Variants in ANKRD44 observed in about 807,000 individuals in gnomAD.
ANKRD44 encodes ankyrin repeat domain 44.
In ANKRD44, 35 loss-of-function variants were observed where a neutral mutation model predicts 116.0. The observed-to-expected ratio is 0.30, with a 90% CI of 0.23 to 0.40. ANKRD44 has a LOEUF of 0.40. Ranked by LOEUF, ANKRD44 falls within the 10% of genes least tolerant of loss-of-function variation. ANKRD44 has a pLI of 1.00. For synonymous variants in ANKRD44, 435 were observed against 461.8 expected (o/e 0.94, Z 0.74); for missense variants, 1,014 against 1,242.6 (o/e 0.82, Z 2.77).
intron 8 of ANKRD44, among the ~76,000 whole-genome samples, chr2:197,111,529 C>T (rs2078565082): frequency 6.6e-6 from 1 of 151,888 alleles, no homozygotes; most frequent in South Asian, 2.1e-4. Flanking sequence ...ATCCCAGCTA[C>T]TGGGGATGCT....
intron 2 of ANKRD44, among the ~76,000 whole-genome samples, chr2:197,168,956 T>C (rs1464584113): frequency 6.6e-6 from 1 of 152,210 alleles, no homozygotes; most frequent in Non-Finnish European, 1.5e-5. Context: ...TCACAATCTG[T>C]AATTCACACA....
chr2:197,007,704 C>T lies in ANKRD44; in HGVS notation c.2130+102G>A, dbSNP rs2076225003. The T allele has an allele frequency of 2.6e-5, 20 of 777,204 alleles. No homozygotes were observed. The East Asian group carries it at 5.0e-4, about 19-fold the overall frequency. 48.1% of individuals were successfully genotyped at this position (777,204 alleles called of 1,614,324 possible). ...AACAATTTTTGCTAAACATTTTTTG[C>T]TAAAAATCCAATCAAAGTAGGCCCT... On this transcript the variant is annotated intron_variant, in intron 20 of 27. Coordinates refer to ENST00000282272, the MANE Select transcript of ANKRD44 (RefSeq NM_001195144.2).
intron 16 of ANKRD44, among the ~76,000 whole-genome samples, chr2:197,035,797 C>T (rs936131535): frequency 6.6e-6 from 1 of 152,040 alleles, no homozygotes. Flanking sequence ...CAGCCCAGAA[C>T]GGGGGGCTGA....
intron 6 of ANKRD44, among the ~76,000 whole-genome samples, chr2:197,124,635 G>A (rs1270797629): frequency 6.6e-6 from 1 of 152,176 alleles, no homozygotes; most frequent in Non-Finnish European, 1.5e-5. Context: ...ATCTCCTGTG[G>A]ATGGGCATTC....
At chr2:197,210,709 T>C (rs541170304) in intron 1 of ANKRD44, among the ~76,000 whole-genome samples, 3 of 152,176 alleles carry the variant, frequency 2.0e-5, no homozygotes, top group Non-Finnish European at 4.4e-5. Flanking sequence ...GGCCACGGGT[T>C]GTGGACTGGA....
At chr2:197,303,409 C>T (rs946642553) in intron 1 of ANKRD44, among the ~76,000 whole-genome samples, 1 of 152,162 alleles carries the variant, frequency 6.6e-6, no homozygotes, top group African/African-American at 2.4e-5. Context: ...GTAGAATCCA[C>T]GTCTTCTGAT....
rs148849945 is a variant in ANKRD44 at position 197,281,248 on chromosome 2, G to T, written c.27+29330C>A. 8.4e-3 allele frequency among the ~76,000 whole-genome samples: 1,282 copies of T among 152,206 alleles called. 12 individuals carry two copies. The highest frequency in any genetic ancestry group is 0.029 in the African/African-American group (1,205 of 41,534). ...CATGTTACATGCCTGTTGATAGGAG[G>T]CCTGATGCTTTATTTTCTCTAGAAA... On this transcript the variant is annotated intron_variant, in intron 1 of 27. Coordinates refer to ENST00000282272, the MANE Select transcript of ANKRD44 (RefSeq NM_001195144.2).
intron 18 of ANKRD44, among the ~76,000 whole-genome samples, chr2:197,011,234 A>C (rs2076294190): frequency 6.6e-6 from 1 of 152,210 alleles, no homozygotes; most frequent in Non-Finnish European, 1.5e-5. Context: ...AACATGGAAA[A>C]ACAGCATATT....
At chr2:197,005,931 A>G in intron 20 of ANKRD44, 21 bp from the exon 21 acceptor site, 1 of 1,612,020 alleles carries the variant, frequency 6.2e-7, no homozygotes. Context: ...GTAATTAAAA[A>G]CACAAAACAA....
At chr2:197,124,665 G>A (rs933833342) in intron 6 of ANKRD44, among the ~76,000 whole-genome samples, 3 of 152,152 alleles carry the variant, frequency 2.0e-5, no homozygotes, top group African/African-American at 4.8e-5. Flanking sequence ...ACAACTTGGT[G>A]CTGATAGAAT....
intron 17 of ANKRD44, among the ~76,000 whole-genome samples, chr2:197,021,071 G>C (rs1233924215): frequency 6.6e-6 from 1 of 152,112 alleles, no homozygotes; most frequent in East Asian, 1.9e-4. Context: ...CCTTGTGATA[G>C]TTTGCTCAGA....
chr2:197,103,227 C>CAAAAA (rs59073157), intron 9 of ANKRD44, among the ~76,000 whole-genome samples: 6 of 103,028 alleles, frequency 5.8e-5, no homozygotes, highest in African/African-American at 2.2e-4. Context: ...GACTCCATCT[C>CAAAAA]AAAAAAAAAA....
In ANKRD44 at chr2:197,088,812, T is replaced by A. The variant is rs771860797; in HGVS notation, c.1184-38A>T. On this transcript the variant is annotated intron_variant, in intron 11 of 27. Coordinates refer to ENST00000282272, the MANE Select transcript of ANKRD44 (RefSeq NM_001195144.2). The stretch of plus-strand genomic sequence containing the variant: ...CGTGCTCATTACTAAACAAGGATAC[T>A]ATGCTATACTTTTGTCCTAGTTAAA... The A allele has an allele frequency of 3.7e-6, 6 of 1,602,836 alleles. No homozygotes were observed. The African/African-American group carries it at 8.0e-5, about 21-fold the overall frequency.
At chr2:197,065,530 T>C (rs1016989783) in intron 16 of ANKRD44, among the ~76,000 whole-genome samples, 50 of 151,918 alleles carry the variant, frequency 3.3e-4, no homozygotes, top group African/African-American at 1.0e-3. Context: ...TTTGAAAAGA[T>C]AACACAATTG....
At chr2:197,176,570 G>A (rs1020563531) in intron 2 of ANKRD44, among the ~76,000 whole-genome samples, 46 of 152,272 alleles carry the variant, frequency 3.0e-4, no homozygotes, top group African/African-American at 1.1e-3. Flanking sequence ...ATTAAGTGAG[G>A]ACATAGCAGC....
At chr2:197,285,417 G>A (rs1300536492) in intron 1 of ANKRD44, among the ~76,000 whole-genome samples, 4 of 152,130 alleles carry the variant, frequency 2.6e-5, no homozygotes, top group Non-Finnish European at 5.9e-5. Flanking sequence ...AGAGGAAACA[G>A]GTTCCAGGTG....
At chr2:197,019,963 AT>A (rs1339957701) in intron 17 of ANKRD44, among the ~76,000 whole-genome samples, 1 of 151,784 alleles carries the variant, frequency 6.6e-6, no homozygotes, top group African/African-American at 2.4e-5. Flanking sequence ...TGCCCAGCTA[AT>A]TTTTGTATTT....
chr2:197,252,643 A>G (rs1172156785), intron 1 of ANKRD44, among the ~76,000 whole-genome samples: 2 of 152,118 alleles, frequency 1.3e-5, no homozygotes, highest in Non-Finnish European at 2.9e-5. Flanking sequence ...TCCTGACCTC[A>G]TGATCCGCCC....
intron 2 of ANKRD44, among the ~76,000 whole-genome samples, chr2:197,160,044 A>T (rs565470266): frequency 1.3e-5 from 2 of 151,616 alleles, no homozygotes; most frequent in Admixed American, 6.6e-5. Flanking sequence ...TATATGATAG[A>T]CACACACACA....
Sources: gnomAD v4.1 joint callset for allele counts (sites outside exome capture counted in the v4.1 genomes callset) on GRCh38, gnomAD v4.1.1 for gene constraint, MANE v1.5 for transcripts, NCBI Gene and HGNC (gene_info 2026-07-23, HGNC 2026-07-21) for gene names.